MMP20: variants seen among roughly 807,000 people sequenced by gnomAD.
MMP20 encodes the protein matrix metalloproteinase-20.
A neutral mutation model predicts 51.8 loss-of-function variants in MMP20; 50 were observed. That is an observed-to-expected ratio of 0.97 (90% confidence interval 0.77 to 1.22). The LOEUF is 1.22. MMP20 is among the 50% of genes most tolerant of loss of function. MMP20 has a pLI of 0.00. For synonymous variants in MMP20, 244 were observed against 216.2 expected, an observed-to-expected ratio of 1.13 and a Z score of -1.13; for missense variants, 663 against 601.4, an observed-to-expected ratio of 1.10 and a Z score of -1.07.
In MMP20 at chr11:102,607,193, T is replaced by C. The variant is rs1277090570; in HGVS notation, c.812-517A>G. Reference sequence around the variant, plus strand: ...GGCATCCTGCCCTGTGCTTTTGTCTTTTACTAGGCATCCAGGAAAAACTGA... The same window carrying C: ...GGCATCCTGCCCTGTGCTTTTGTCTCTTACTAGGCATCCAGGAAAAACTGA... On this transcript the variant is annotated intron_variant, in intron 5 of 9. Transcript: ENST00000260228. 6.1e-5 allele frequency: 10 copies of C among 164,732 alleles called. No individual in the cohort carries two copies. The South Asian group carries it at 1.3e-3, about 21-fold the overall frequency. The allele number at this position is 164,732 out of a possible 1,614,324, so 10.2% of individuals were successfully genotyped here.
intron 5 of MMP20, among the ~76,000 whole-genome samples, chr11:102,608,525 T>C (rs1482480633): frequency 6.6e-6 from 1 of 152,198 alleles, no homozygotes; most frequent in Non-Finnish European, 1.5e-5. Flanking sequence ...AAACTGCAGA[T>C]TGGCTACATG....
At chr11:102,602,334 CAG>C (rs1440633099) in intron 6 of MMP20, among the ~76,000 whole-genome samples, 2 of 107,846 alleles carry the variant, frequency 1.9e-5, no homozygotes, top group African/African-American at 6.1e-5. Context: ...CAATTAGTGA[CAG>C]ATTAAAAAAA....
intron 6 of MMP20, among the ~76,000 whole-genome samples, chr11:102,596,372 T>G (rs950476273): frequency 2.6e-5 from 4 of 152,198 alleles, no homozygotes; most frequent in Non-Finnish European, 5.9e-5. Flanking sequence ...TTAACTCCAC[T>G]GCTGACCAGC....
intron 6 of MMP20, among the ~76,000 whole-genome samples, chr11:102,604,034 C>CT (rs913745939): frequency 5.1e-5 from 7 of 137,972 alleles, no homozygotes; most frequent in Non-Finnish European, 9.5e-5. Flanking sequence ...TTTTTTTTTG[C>CT]TTTTTTTTAA....
At chr11:102,600,512 C>A (rs1393576711) in intron 6 of MMP20, among the ~76,000 whole-genome samples, 1 of 152,154 alleles carries the variant, frequency 6.6e-6, no homozygotes, top group Non-Finnish European at 1.5e-5. Context: ...AAGATAGGGT[C>A]TCGCTCTGTC....
chr11:102,594,591 A>C lies in MMP20; in HGVS notation c.1090+30T>G, dbSNP rs553661393. 1.6e-5 allele frequency: 26 copies of C among 1,612,750 alleles called. No individual in the cohort carries two copies. In the African/African-American group the frequency reaches 2.7e-4, roughly 17 times the overall value. On this transcript the variant is annotated intron_variant, in intron 7 of 9. Transcript: ENST00000260228. ...ATGAATGGGGCACTGCAGCCCTGCC[A>C]TTTCTTTCTTTGAGGGATCTGTAGG...
intron 1 of MMP20, among the ~76,000 whole-genome samples, chr11:102,620,450 T>A (rs1230665811): frequency 6.6e-6 from 1 of 152,200 alleles, no homozygotes; most frequent in Non-Finnish European, 1.5e-5. Context: ...GGACAAAGAA[T>A]TCAGAATTCA....
chr11:102,594,507 A>G (rs1859355900), intron 7 of MMP20, 114 bp downstream of exon 7: 1 of 1,369,932 alleles, frequency 7.3e-7, no homozygotes, highest in East Asian at 2.4e-5. Context: ...GAGGACAAAG[A>G]GCAACTGAAA....
At chr11:102,596,822 A>G (rs1365776700) in intron 6 of MMP20, among the ~76,000 whole-genome samples, 1 of 152,158 alleles carries the variant, frequency 6.6e-6, no homozygotes, top group Non-Finnish European at 1.5e-5. Flanking sequence ...CCTTTGTCCA[A>G]TCAGACCTGG....
chr11:102,582,709 T>C (rs1015017613), intron 8 of MMP20, among the ~76,000 whole-genome samples: 1 of 152,140 alleles, frequency 6.6e-6, no homozygotes, highest in Admixed American at 6.6e-5. Context: ...TAGAAAAATA[T>C]GTATCCTATA....
chr11:102,583,679 T>A (rs1298016138), intron 8 of MMP20: 1 of 152,218 alleles, frequency 6.6e-6, no homozygotes, highest in South Asian at 2.1e-4. Context: ...AAGCGATGCA[T>A]GACTATAGTC....
chr11:102,596,576 C>A (rs1207398047), intron 6 of MMP20, among the ~76,000 whole-genome samples: 5 of 152,118 alleles, frequency 3.3e-5, no homozygotes, highest in African/African-American at 1.2e-4. Flanking sequence ...TAATTGGGCA[C>A]CCTCCATAGA....
rs61751462 is a variant in MMP20, at chr11:102,625,217, T to C, written c.103A>G (p.Arg35Gly). Reference protein sequence around the residue: ...SLVAASPRTWRNNYRLAQAYL... With the variant: ...SLVAASPRTWGNNYRLAQAYL... ...ACCTGTGCGAGGCGGTAGTTGTTCC[T>C]CCAGGTCCTGGGGGAGGCTGCAACT... Residue 35 changes from arginine (R) to glycine (G), a missense_variant, in exon 1 of 10, where the codon AGG becomes GGG. Transcript: ENST00000260228. 6.2e-7 allele frequency: 1 copy of C among 1,613,972 alleles called. No individual in the cohort carries two copies. The highest frequency in any genetic ancestry group is 2.2e-5 in the East Asian group (1 of 44,876).
Position 102,606,812 on chromosome 11 carries a change from T to C in MMP20, c.812-136A>G, listed in dbSNP as rs893075483. Reference sequence around the variant, plus strand: ...TGATCATGGCTGTTGAGGGCAGGTATGGGTTTGAGTCCCGGCTCTCCTGGT... The same window carrying C: ...TGATCATGGCTGTTGAGGGCAGGTACGGGTTTGAGTCCCGGCTCTCCTGGT... On this transcript the variant is annotated intron_variant, in intron 5 of 9. Coordinates refer to ENST00000260228, the MANE Select transcript of MMP20 (RefSeq NM_004771.4). 2.0e-5 allele frequency: 21 copies of C among 1,025,686 alleles called. No individual in the cohort carries two copies. In the African/African-American group the frequency reaches 3.1e-4, roughly 15 times the overall value. 63.5% of individuals were successfully genotyped at this position (1,025,686 alleles called of 1,614,324 possible). A position where few individuals can be genotyped will look rare whatever the true frequency, so the allele number is the denominator to read the frequency against.
chr11:102,589,044 G>A (rs1859284501), intron 8 of MMP20, among the ~76,000 whole-genome samples: 1 of 152,108 alleles, frequency 6.6e-6, no homozygotes, highest in Non-Finnish European at 1.5e-5. Context: ...TATTTAACAT[G>A]TCCCTCTTCT....
chr11:102,604,284 T>C (rs377043711), intron 6 of MMP20, among the ~76,000 whole-genome samples: 19 of 152,280 alleles, frequency 1.2e-4, no homozygotes, highest in African/African-American at 4.1e-4. Flanking sequence ...TCCAAGCTCC[T>C]CCTGCCCTGC....
chr11:102,591,258 C>T (rs1378557360), intron 8 of MMP20, among the ~76,000 whole-genome samples: 3 of 152,070 alleles, frequency 2.0e-5, no homozygotes, highest in African/African-American at 2.4e-5. Context: ...TGTTGGAGTG[C>T]GTAAAGTAGA....
intron 1 of MMP20, among the ~76,000 whole-genome samples, chr11:102,622,078 C>G (rs1212281755): frequency 6.6e-6 from 1 of 152,118 alleles, no homozygotes; most frequent in Non-Finnish European, 1.5e-5. Context: ...GCCATCTTAC[C>G]ATTTTCAAAG....
At chr11:102,579,201 G>A in intron 8 of MMP20, 59 bp from the exon 9 acceptor site, 2 of 1,176,768 alleles carry the variant, frequency 1.7e-6, no homozygotes, top group Non-Finnish European at 2.5e-6. Context: ...GGTTGTAGAT[G>A]ACACTATACT....
Sources: gnomAD v4.1 joint callset for allele counts (sites outside exome capture counted in the v4.1 genomes callset) on GRCh38, gnomAD v4.1.1 for gene constraint, MANE v1.5 for transcripts, NCBI Gene and HGNC (gene_info 2026-07-23, HGNC 2026-07-21) for gene names.